LOC128462377: variants seen among roughly 807,000 people sequenced by gnomAD.
At chr16:89,338,726 CAAAAAAAAAAA>C in the LOC128462377 span, among the ~76,000 whole-genome samples, 473 of 43,824 alleles carry the variant, frequency 0.011, 9 homozygotes, top group African/African-American at 0.046. Flanking sequence ...CACTCAGTCT[CAAAAAAAAAAA>C]AAAAAAAAAA....
chr16:89,405,251 G>C, the LOC128462377 span, among the ~76,000 whole-genome samples: 1 of 152,192 alleles, frequency 6.6e-6, no homozygotes, highest in South Asian at 2.1e-4. Flanking sequence ...GCGGTCTGTT[G>C]TGGAACAAAA....
chr16:89,372,824 G>A, the LOC128462377 span: 1 of 152,128 alleles, frequency 6.6e-6, no homozygotes, highest in Admixed American at 6.6e-5. Flanking sequence ...CTGTGGCAGG[G>A]ACTCACTGAA....
At chr16:89,372,247 C>G in the LOC128462377 span, among the ~76,000 whole-genome samples, 1 of 152,258 alleles carries the variant, frequency 6.6e-6, no homozygotes, top group Non-Finnish European at 1.5e-5. Context: ...GCCACACGTC[C>G]TCCTGCAGCC....
the LOC128462377 span, chr16:89,324,131 C>T: frequency 1.2e-6 from 1 of 844,416 alleles, no homozygotes; most frequent in South Asian, 1.9e-5. Context: ...CGGCACAACG[C>T]TCTCTACTGC....
chr16:89,339,342 A>G, the LOC128462377 span, among the ~76,000 whole-genome samples: 3 of 152,168 alleles, frequency 2.0e-5, no homozygotes, highest in Non-Finnish European at 4.4e-5. Flanking sequence ...GGTTTGCTTG[A>G]AGGCTTACAC....
At chr16:89,384,258 C>G in the LOC128462377 span, among the ~76,000 whole-genome samples, 1 of 152,232 alleles carries the variant, frequency 6.6e-6, no homozygotes, top group African/African-American at 2.4e-5. Flanking sequence ...AGGCTGGGCA[C>G]GGTGGCTCAC....
chr16:89,326,372 G>A, the LOC128462377 span, among the ~76,000 whole-genome samples: 1 of 151,898 alleles, frequency 6.6e-6, no homozygotes, highest in South Asian at 2.1e-4. Flanking sequence ...AGGGGACGCA[G>A]CCACCGCCCC....
chr16:89,367,449 G>A, the LOC128462377 span, among the ~76,000 whole-genome samples: 4 of 152,216 alleles, frequency 2.6e-5, no homozygotes, highest in South Asian at 4.1e-4. Context: ...TCAAACGACC[G>A]GGAGTCTCAG....
chr16:89,402,202 C>G, the LOC128462377 span, among the ~76,000 whole-genome samples: 1 of 152,134 alleles, frequency 6.6e-6, no homozygotes, highest in African/African-American at 2.4e-5. Flanking sequence ...GAAAGCACAG[C>G]CCTTCCAACA....
At chr16:89,354,812 A>C in the LOC128462377 span, among the ~76,000 whole-genome samples, 1 of 151,388 alleles carries the variant, frequency 6.6e-6, no homozygotes, top group Non-Finnish European at 1.5e-5. Context: ...GCTTGAACCC[A>C]GGAGGCGGAG....
chr16:89,350,336 C>CCA, the LOC128462377 span, among the ~76,000 whole-genome samples: 1 of 152,168 alleles, frequency 6.6e-6, no homozygotes, highest in South Asian at 2.1e-4. Context: ...AGAAAAGGTA[C>CCA]CACATCCAGC....
the LOC128462377 span, among the ~76,000 whole-genome samples, chr16:89,397,261 C>A: frequency 4.6e-5 from 7 of 152,220 alleles, no homozygotes; most frequent in African/African-American, 1.7e-4. Flanking sequence ...AAGGCATCCA[C>A]CTCCAGGACA....
the LOC128462377 span, among the ~76,000 whole-genome samples, chr16:89,337,878 A>G: frequency 9.9e-5 from 15 of 152,160 alleles, no homozygotes; most frequent in African/African-American, 3.1e-4. Flanking sequence ...TGTGGTCTTC[A>G]GTCTACTGTG....
chr16:89,386,010 G>A, the LOC128462377 span, among the ~76,000 whole-genome samples: 2 of 152,242 alleles, frequency 1.3e-5, no homozygotes, highest in Non-Finnish European at 2.9e-5. Context: ...CTCCCAGGTA[G>A]CTGGGACCAC....
At chr16:89,331,626 T>C in the LOC128462377 span, among the ~76,000 whole-genome samples, 10 of 151,968 alleles carry the variant, frequency 6.6e-5, no homozygotes, top group Non-Finnish European at 1.3e-4. Context: ...TAGAGATTTA[T>C]AGATATGTAT....
At chr16:89,372,350 C>T in the LOC128462377 span, among the ~76,000 whole-genome samples, 1 of 152,104 alleles carries the variant, frequency 6.6e-6, no homozygotes, top group Non-Finnish European at 1.5e-5. Flanking sequence ...CAGGGCCTGC[C>T]GCCGGTGTGG....
the LOC128462377 span, among the ~76,000 whole-genome samples, chr16:89,409,507 G>A: frequency 5.0e-4 from 76 of 152,324 alleles, no homozygotes; most frequent in Admixed American, 9.8e-4. Context: ...GAGCAAGACA[G>A]CTAGCTTTTC....
the LOC128462377 span, among the ~76,000 whole-genome samples, chr16:89,371,650 G>A: frequency 1.3e-5 from 2 of 152,276 alleles, no homozygotes. Flanking sequence ...GGAGGGGTGT[G>A]GAGGGCGATG....
At chr16:89,413,805 C>G in the LOC128462377 span, among the ~76,000 whole-genome samples, 1 of 152,146 alleles carries the variant, frequency 6.6e-6, no homozygotes, top group Non-Finnish European at 1.5e-5. Context: ...AGACTCTGCA[C>G]TCCCACAACG....
Sources: gnomAD v4.1 joint callset for allele counts (sites outside exome capture counted in the v4.1 genomes callset) on GRCh38, gnomAD v4.1.1 for gene constraint, MANE v1.5 for transcripts.